Variants in RANBP10 observed in about 807,000 individuals in gnomAD.
The protein encoded by RANBP10 is RAN binding protein 10.
RANBP10 carries 24 observed loss-of-function variants against 72.8 expected under a neutral mutation model. The ratio of observed to expected loss-of-function variants is 0.33; its 90% CI spans 0.24 to 0.46. The LOEUF (loss-of-function observed/expected upper bound fraction) is 0.46. Among genes scored for constraint, RANBP10 ranks in the 20% least tolerant of loss-of-function variants. RANBP10 has a pLI of 1.00. For missense variants in RANBP10, 679 were observed against 817.5 expected (o/e 0.83, Z 2.07); for synonymous variants, 310 against 322.3 (o/e 0.96, Z 0.41).
intron 3 of RANBP10, among the ~76,000 whole-genome samples, chr16:67,771,610 G>A (rs1233435369): frequency 6.6e-6 from 1 of 152,160 alleles, no homozygotes; most frequent in Non-Finnish European, 1.5e-5. Context: ...CTCCCAAAGT[G>A]GGATTACAGG....
intron 2 of RANBP10, among the ~76,000 whole-genome samples, chr16:67,791,035 A>G (rs2055015006): frequency 7.2e-6 from 1 of 139,518 alleles, no homozygotes; most frequent in Non-Finnish European, 1.5e-5. Flanking sequence ...TTTTTTTGAG[A>G]CAGAGTCTCG....
Position 67,772,157 on chromosome 16 carries a change from C to T in RANBP10, c.348-71G>A, listed in dbSNP as rs560737649. On this transcript the variant is annotated intron_variant, in intron 2 of 13. Transcript: ENST00000317506. ...ATGCTCATGCGTCTCCCTTCTCAAACATTTATTGGTAAAAGACAGAAAAAT... is the reference window on the plus strand; with the variant it reads ...ATGCTCATGCGTCTCCCTTCTCAAATATTTATTGGTAAAAGACAGAAAAAT... The T allele has an allele frequency of 1.0e-5, 15 of 1,482,244 alleles. No homozygotes were observed. In the East Asian group the frequency reaches 3.5e-4, roughly 34 times the overall value. 91.8% of individuals were successfully genotyped at this position (1,482,244 alleles called of 1,614,324 possible).
intron 2 of RANBP10, among the ~76,000 whole-genome samples, chr16:67,800,682 G>A (rs17619927): frequency 0.022 from 3,343 of 152,158 alleles, 61 homozygotes; most frequent in Middle Eastern, 0.037. Context: ...CTGGTGACTC[G>A]GCAAAATGCA....
intron 2 of RANBP10, among the ~76,000 whole-genome samples, chr16:67,782,037 C>A (rs1413812197): frequency 6.6e-6 from 1 of 152,246 alleles, no homozygotes; most frequent in Non-Finnish European, 1.5e-5. Context: ...ATGTGGAGAG[C>A]TGCAAGCACA....
intron 3 of RANBP10, among the ~76,000 whole-genome samples, chr16:67,758,391 T>G (rs1220871141): frequency 6.6e-6 from 1 of 152,246 alleles, no homozygotes; most frequent in Admixed American, 6.5e-5. Flanking sequence ...CCCGAGCTCC[T>G]TTTGAGCCTC....
Position 67,728,438 on chromosome 16 carries a change from T to C in RANBP10, c.1426A>G (p.Asn476Asp). The C allele has an allele frequency of 6.2e-7, 1 of 1,614,170 alleles. No homozygotes were observed. Among genetic ancestry groups the C allele is most frequent in the South Asian group, 1.1e-5 (1 of 91,086 alleles). Residue 476 changes from asparagine to aspartate, a missense_variant, in exon 11 of 14, where the codon AAT (asparagine) becomes GAT (aspartate). Asn to Asp is a conservative substitution (Grantham distance 23). Coordinates refer to ENST00000317506, the MANE Select transcript of RANBP10 (RefSeq NM_020850.3). ...AGGTCCTCATGCTTGTAGGCACCATTAACAATGCGTGTGGACATGCTTCCT... is the reference window on the plus strand; with the variant it reads ...AGGTCCTCATGCTTGTAGGCACCATCAACAATGCGTGTGGACATGCTTCCT... ...VLGSMSTRIV[N>D]GAYKHEDLQT...
rs1200242613 is a variant in RANBP10 at position 67,744,465 on chromosome 16, A to G, written c.401-10T>C. On this transcript the variant is annotated splice_polypyrimidine_tract_variant and intron_variant, in intron 3 of 13. Transcript: ENST00000317506. ...GAATGTTTGTCCCAACCTGTGGGGGAAGAGAGCAGCAATAACTGAGTAGGT... is the reference window on the plus strand; with the variant it reads ...GAATGTTTGTCCCAACCTGTGGGGGGAGAGAGCAGCAATAACTGAGTAGGT... 1 of 1,609,448 alleles carries G rather than the reference A, an allele frequency of 6.2e-7. No homozygotes were observed.
At chr16:67,799,569 G>T (rs1400602460) in intron 2 of RANBP10, among the ~76,000 whole-genome samples, 2 of 152,200 alleles carry the variant, frequency 1.3e-5, no homozygotes, top group South Asian at 4.1e-4. Flanking sequence ...ATACAGGTGT[G>T]AGCCACTGCG....
At chr16:67,758,440 T>C (rs996925867) in intron 3 of RANBP10, among the ~76,000 whole-genome samples, 1 of 152,220 alleles carries the variant, frequency 6.6e-6, no homozygotes, top group Non-Finnish European at 1.5e-5. Context: ...TGGTAACATA[T>C]GCCTGTGGCT....
At chr16:67,793,582 G>A (rs1193828171) in intron 2 of RANBP10, among the ~76,000 whole-genome samples, 4 of 152,006 alleles carry the variant, frequency 2.6e-5, no homozygotes, top group Admixed American at 1.3e-4. Flanking sequence ...AAAGTGCTGG[G>A]ATTACAGGCG....
chr16:67,748,165 C>T (rs1242432129), intron 3 of RANBP10, among the ~76,000 whole-genome samples: 1 of 151,778 alleles, frequency 6.6e-6, no homozygotes, highest in Non-Finnish European at 1.5e-5. Flanking sequence ...GGGCTGTGAT[C>T]GTTGACTGGG....
rs78575341 is a variant in RANBP10 at position 67,758,020 on chromosome 16, C to T, written c.401-13565G>A. Among the ~76,000 whole-genome samples the T allele has an allele frequency of 9.6e-3, 1,468 of 152,326 alleles. 21 individuals carry two copies. The highest frequency in any genetic ancestry group is 0.033 in the African/African-American group (1,370 of 41,564). ...ACCTAGGCCCTCCACTGAGATAGGACCCAGGTGTCAGCTTGAAGTCATGGG... is the reference window on the plus strand; with the variant it reads ...ACCTAGGCCCTCCACTGAGATAGGATCCAGGTGTCAGCTTGAAGTCATGGG... On this transcript the variant is annotated intron_variant, in intron 3 of 13. Transcript: ENST00000317506.
chr16:67,754,249 G>T (rs115053588), intron 3 of RANBP10, among the ~76,000 whole-genome samples: 1 of 152,164 alleles, frequency 6.6e-6, no homozygotes, highest in African/African-American at 2.4e-5. Flanking sequence ...AACAAGGCAG[G>T]TAAGATGGTG....
In RANBP10 at chr16:67,785,731, C is replaced by CAAAAAAAAAAAAAAAAAAAAAAAAAAAAA. The variant is rs61683439; in HGVS notation, c.348-13646_348-13645insTTTTTTTTTTTTTTTTTTTTTTTTTTTTT. Among the ~76,000 whole-genome samples the CAAAAAAAAAAAAAAAAAAAAAAAAAAAAA allele has an allele frequency of 5.2e-4, 37 of 71,722 alleles. 2 individuals are homozygous for CAAAAAAAAAAAAAAAAAAAAAAAAAAAAA. The highest frequency in any genetic ancestry group is 8.9e-4 in the African/African-American group (13 of 14,592). 47.1% of individuals were successfully genotyped at this position (71,722 alleles called of 152,430 possible). A position where few individuals can be genotyped will look rare whatever the true frequency, so the allele number is the denominator to read the frequency against. On this transcript the variant is annotated intron_variant, in intron 2 of 13. Coordinates refer to ENST00000317506, the MANE Select transcript of RANBP10 (RefSeq NM_020850.3). ...AAACAGAGTGAGTGAGACTCCATCT[C>CAAAAAAAAAAAAAAAAAAAAAAAAAAAAA]AAAAAAAAAAAAAAAGCCAGGCACA...
rs2053673286 is a variant in RANBP10 at position 67,729,331 on chromosome 16, G to T, written c.1301C>A (p.Thr434Lys). 1 of 1,612,196 alleles carries T rather than the reference G, an allele frequency of 6.2e-7. No individual in the cohort carries two copies. Among genetic ancestry groups the T allele is most frequent in the Non-Finnish European group, 8.5e-7 (1 of 1,179,136 alleles). The change falls in exon 10 of 14, where the codon ACA becomes AAA. Residue 434 changes from threonine (T) to lysine (K), a missense_variant. Physicochemically the swap from Thr to Lys is moderately conservative, Grantham distance 78. Coordinates refer to ENST00000317506, the MANE Select transcript of RANBP10 (RefSeq NM_020850.3). This position sits in a 1 kb window ranked among gnomAD's most constrained non-coding sequence, Gnocchi z 7.1. ...SSVNYSESNS[T>K]DSTKSQHHSS... ...GTGGTGCTGGGACTTGGTGGAGTCT[G>T]TTGAGTTGGACTCGGAGTAATTGAC...
At chr16:67,779,684 A>G (rs918633337) in intron 2 of RANBP10, among the ~76,000 whole-genome samples, 2 of 152,196 alleles carry the variant, frequency 1.3e-5, no homozygotes, top group South Asian at 2.1e-4. Context: ...GGTGTGATAA[A>G]TTTCTTTTCA....
intron 3 of RANBP10, among the ~76,000 whole-genome samples, chr16:67,771,024 A>T (rs2054597780): frequency 6.6e-6 from 1 of 152,154 alleles, no homozygotes; most frequent in African/African-American, 2.4e-5. Flanking sequence ...ACACTTAGGG[A>T]GGCCAAGGCA....
At chr16:67,728,545 G>C (rs751621078) in intron 10 of RANBP10, 34 bp from the exon 11 acceptor site, 3 of 1,613,686 alleles carry the variant, frequency 1.9e-6, no homozygotes, top group East Asian at 4.5e-5. Context: ...AGTTGGCCCA[G>C]GGGGTGTGGT....
At chr16:67,747,880 G>C (rs993484342) in intron 3 of RANBP10, among the ~76,000 whole-genome samples, 2 of 143,850 alleles carry the variant, frequency 1.4e-5, no homozygotes, top group African/African-American at 5.2e-5. Context: ...GAGTGCAGTT[G>C]CATGATCTCG....
Sources: allele counts gnomAD v4.1 joint callset (sites outside exome capture counted in the v4.1 genomes callset), GRCh38; gene constraint gnomAD v4.1.1; non-coding constraint Gnocchi (gnomAD v3.1); transcripts MANE v1.5; gene names NCBI Gene and HGNC (gene_info 2026-07-23, HGNC 2026-07-21).